The following LPCAT3 variants were observed in gnomAD, a reference collection of about 807,000 sequenced individuals.
LPCAT3 encodes the protein lysophospholipid acyltransferase 5.
Under a neutral mutation model 63.4 loss-of-function variants are expected in LPCAT3, and 21 were observed. The ratio of observed to expected loss-of-function variants is 0.33; its 90% CI spans 0.23 to 0.48. LPCAT3 has a LOEUF of 0.48. Among genes scored for constraint, LPCAT3 ranks in the 20% least tolerant of loss-of-function variants. The pLI is 0.99. For missense variants in LPCAT3, 451 were observed against 590.6 expected, an observed-to-expected ratio of 0.76 and a Z score of 2.45; for synonymous variants, 242 against 227.5, an observed-to-expected ratio of 1.06 and a Z score of -0.58.
chr12:6,977,341 A>C lies in LPCAT3; in HGVS notation c.1347+26T>G, dbSNP rs782416066. On this transcript the variant is annotated intron_variant, in intron 11 of 12. Coordinates refer to ENST00000261407, the MANE Select transcript of LPCAT3 (RefSeq NM_005768.6). The surrounding 1 kb of genome is among the most constrained non-coding windows in gnomAD (Gnocchi z 4.5). ...TTTGAGGTTGCAGTGAGTCCCTCCC[A>C]GTCTCACAAGCAGGCCTTCACTTGC... The C allele has an allele frequency of 2.5e-6, 4 of 1,613,882 alleles. No individual in the cohort carries two copies. Among genetic ancestry groups the C allele is most frequent in the Middle Eastern group, 3.3e-4 (2 of 6,062 alleles).
At position 7,018,230 on chromosome 12, in the gene LPCAT3, C is replaced by T. The variant is rs782314360; in HGVS notation, c.151+44G>A. On this transcript the variant is annotated intron_variant, in intron 1 of 12. Coordinates refer to ENST00000261407, the MANE Select transcript of LPCAT3 (RefSeq NM_005768.6). This position sits in a 1 kb window ranked among gnomAD's most constrained non-coding sequence, Gnocchi z 4.9. ...CCTGTCCCCATTCCTCCCCTACTCC[C>T]CGGGGACTCCGCGAGGGGCGGAGGG... is the stretch of plus-strand genomic sequence containing the variant. 3 of 1,565,620 alleles carry T rather than the reference C, an allele frequency of 1.9e-6. No individual in the cohort carries two copies. The highest frequency in any genetic ancestry group is 1.2e-5 in the South Asian group (1 of 85,182).
At chr12:7,014,879 C>T (rs1033056190) in intron 1 of LPCAT3, among the ~76,000 whole-genome samples, 3 of 130,424 alleles carry the variant, frequency 2.3e-5, no homozygotes, top group African/African-American at 5.8e-5. Context: ...GGTGACAGAG[C>T]GAGACTCCGT....
At position 7,015,270 on chromosome 12, in the gene LPCAT3, T is replaced by C. The variant is rs150841961; in HGVS notation, c.151+3004A>G. Among the ~76,000 whole-genome samples, 260 of 152,344 alleles carry C rather than the reference T, an allele frequency of 1.7e-3. 1 individual carries two copies. In the South Asian group the frequency reaches 0.031, roughly 18 times the overall value. On this transcript the variant is annotated intron_variant, in intron 1 of 12. Coordinates refer to ENST00000261407, the MANE Select transcript of LPCAT3 (RefSeq NM_005768.6). The stretch of plus-strand genomic sequence containing the variant: ...ATACCTAACTCTTCCCTTGGGGTAT[T>C]TGCATTTAGGGAGGTGTTTTTAACC...
intron 1 of LPCAT3, among the ~76,000 whole-genome samples, chr12:7,008,875 A>G (rs782686932): frequency 3.9e-4 from 59 of 152,342 alleles, no homozygotes; most frequent in African/African-American, 1.3e-3. Flanking sequence ...TAACAATGTG[A>G]ACATAATAAC....
intron 1 of LPCAT3, among the ~76,000 whole-genome samples, chr12:7,014,128 T>C (rs782695252): frequency 7.2e-5 from 11 of 152,346 alleles, no homozygotes; most frequent in African/African-American, 2.6e-4. Flanking sequence ...CATCTTTAAA[T>C]CTCACAAAGC....
chr12:7,001,546 G>T, intron 1 of LPCAT3: 1 of 455,996 alleles, frequency 2.2e-6, no homozygotes, highest in Non-Finnish European at 4.4e-6. Flanking sequence ...GGGTTATTTG[G>T]CGCGGTGTTG....
intron 1 of LPCAT3, among the ~76,000 whole-genome samples, chr12:7,010,340 TAC>T (rs1946753454): frequency 6.6e-6 from 1 of 152,252 alleles, no homozygotes; most frequent in Non-Finnish European, 1.5e-5. Context: ...ATCTCTACTT[TAC>T]TAGAATCTTA....
chr12:6,981,746 G>C lies in LPCAT3; in HGVS notation c.460+65C>G. On this transcript the variant is annotated intron_variant, in intron 4 of 12. Coordinates refer to ENST00000261407, the MANE Select transcript of LPCAT3 (RefSeq NM_005768.6). ...CGGGGGGCGGAGGGGGGGTGCCGAG[G>C]AAGTTTTTAGTGAGATGGGGGAGGG... 3 of 1,468,244 alleles carry C rather than the reference G, an allele frequency of 2.0e-6. No individual in the cohort carries two copies. In the South Asian group the frequency reaches 3.4e-5, roughly 17 times the overall value. The allele number at this position is 1,468,244 out of a possible 1,614,324, so 91.0% of individuals were successfully genotyped here. A position where few individuals can be genotyped will look rare whatever the true frequency, so the allele number is the denominator to read the frequency against.
intron 6 of LPCAT3, 174 bp from the exon 7 acceptor site, chr12:6,979,753 G>C: frequency 1.6e-6 from 1 of 611,176 alleles, no homozygotes; most frequent in Non-Finnish European, 2.9e-6. Context: ...TCTATGGCTG[G>C]CTATGAGGAA....
chr12:6,994,609 G>A (rs1000694222), intron 1 of LPCAT3, among the ~76,000 whole-genome samples: 3 of 152,126 alleles, frequency 2.0e-5, no homozygotes, highest in African/African-American at 7.2e-5. Flanking sequence ...TGGGACTACA[G>A]GTGTGCACAG....
At chr12:6,978,245 A>G in intron 9 of LPCAT3, 96 bp downstream of exon 9, 1 of 1,412,946 alleles carries the variant, frequency 7.1e-7, no homozygotes, top group South Asian at 1.4e-5. Flanking sequence ...CAGATGGGAA[A>G]GACGCATAGG....
chr12:6,995,354 A>C (rs1013390413), intron 1 of LPCAT3, among the ~76,000 whole-genome samples: 5 of 151,856 alleles, frequency 3.3e-5, no homozygotes, highest in Non-Finnish European at 5.9e-5. Flanking sequence ...CATGCCTGTA[A>C]TCCCAGCTAC....
rs1261920241 is a variant in LPCAT3, at chr12:6,985,776, T to G, written c.152-2237A>C. Among the ~76,000 whole-genome samples the G allele has an allele frequency of 6.6e-5, 10 of 152,026 alleles. No homozygotes were observed. In the East Asian group the frequency reaches 1.2e-3, roughly 18 times the overall value. Reference sequence around the variant, plus strand: ...TGGTGCCAGGATCAACTGGTGTTTTTTTTTTTTTTTGAGATGGAGTTTAGC... The same window carrying G: ...TGGTGCCAGGATCAACTGGTGTTTTGTTTTTTTTTTGAGATGGAGTTTAGC... On this transcript the variant is annotated intron_variant, in intron 1 of 12. Transcript: ENST00000261407.
intron 6 of LPCAT3, chr12:6,979,802 G>A: frequency 1.8e-6 from 1 of 568,574 alleles, no homozygotes; most frequent in Non-Finnish European, 3.2e-6. Context: ...AGGAAAGTCA[G>A]GGCAGCAGAC....
intron 1 of LPCAT3, among the ~76,000 whole-genome samples, chr12:6,984,829 C>T (rs782625585): frequency 2.1e-4 from 32 of 152,278 alleles, no homozygotes; most frequent in African/African-American, 7.0e-4. Flanking sequence ...AAGGAATCTT[C>T]CTGCCTTGGC....
At chr12:7,014,086 T>C (rs1591559454) in intron 1 of LPCAT3, among the ~76,000 whole-genome samples, 1 of 152,238 alleles carries the variant, frequency 6.6e-6, no homozygotes, top group Admixed American at 6.5e-5. Context: ...CTCAGCATGC[T>C]GAAACCTTAC....
intron 1 of LPCAT3, among the ~76,000 whole-genome samples, chr12:6,991,708 G>T (rs1946591552): frequency 6.6e-6 from 1 of 152,202 alleles, no homozygotes; most frequent in Non-Finnish European, 1.5e-5. Flanking sequence ...TCTGCCAGAT[G>T]CCTAAGTCTA....
At chr12:6,984,913 T>C (rs1946506369) in intron 1 of LPCAT3, among the ~76,000 whole-genome samples, 1 of 152,188 alleles carries the variant, frequency 6.6e-6, no homozygotes, top group Admixed American at 6.6e-5. Context: ...TTTTAAATTA[T>C]GTAACTGCAG....
chr12:7,003,041 G>C (rs1946700232), intron 1 of LPCAT3, among the ~76,000 whole-genome samples: 1 of 152,108 alleles, frequency 6.6e-6, no homozygotes. Flanking sequence ...TAATATTTAT[G>C]GAATGCACTC....
Sources: gnomAD v4.1 joint callset for allele counts (sites outside exome capture counted in the v4.1 genomes callset) on GRCh38, gnomAD v4.1.1 for gene constraint, Gnocchi (gnomAD v3.1) non-coding constraint, MANE v1.5 for transcripts, NCBI Gene and HGNC (gene_info 2026-07-23, HGNC 2026-07-21) for gene names.